The following CTNND2 variants were observed in gnomAD, a reference collection of about 807,000 sequenced individuals.
The protein encoded by CTNND2 is catenin delta-2.
Under a neutral mutation model 144.4 loss-of-function variants are expected in CTNND2, and 22 were observed. That is an observed-to-expected ratio of 0.15 (90% confidence interval 0.11 to 0.22). The LOEUF (loss-of-function observed/expected upper bound fraction) is 0.22, where lower values mean the gene tolerates loss of function less well. Ranked by LOEUF, CTNND2 falls within the 10% of genes least tolerant of loss-of-function variation. CTNND2 has a pLI of 1.00. For synonymous variants in CTNND2, 751 were observed against 695.6 expected (o/e 1.08, Z -1.25); for missense variants, 1,353 against 1,618.8 (o/e 0.84, Z 2.82).
intron 9 of CTNND2, among the ~76,000 whole-genome samples, chr5:11,296,984 A>T (rs1209454196): frequency 6.6e-6 from 1 of 152,032 alleles, no homozygotes; most frequent in Non-Finnish European, 1.5e-5. Flanking sequence ...AAAGTATAAT[A>T]AAAAAAAGAA....
At chr5:11,129,630 G>T (rs1755362197) in intron 12 of CTNND2, among the ~76,000 whole-genome samples, 1 of 151,752 alleles carries the variant, frequency 6.6e-6, no homozygotes, top group African/African-American at 2.4e-5. Context: ...TTCCACTTCT[G>T]CCAGAAAAGT....
At chr5:11,873,833 A>G (rs12655457) in intron 1 of CTNND2, among the ~76,000 whole-genome samples, 34,969 of 152,168 alleles carry the variant, frequency 0.23, 4,289 homozygotes, top group Non-Finnish European at 0.28. Context: ...GCCTTGCATC[A>G]TGCACTGACC....
chr5:11,882,071 T>TATC (rs1245064805), intron 1 of CTNND2, among the ~76,000 whole-genome samples: 1 of 152,088 alleles, frequency 6.6e-6, no homozygotes, highest in Non-Finnish European at 1.5e-5. Context: ...TTATTATTAT[T>TATC]ATCATTATAA....
intron 9 of CTNND2, among the ~76,000 whole-genome samples, chr5:11,338,484 G>C (rs1305151826): frequency 6.6e-6 from 1 of 152,176 alleles, no homozygotes; most frequent in Non-Finnish European, 1.5e-5. Flanking sequence ...GTTCCCTAGA[G>C]GAAGGTCTGT....
chr5:11,305,004 T>A (rs114884368), intron 9 of CTNND2, among the ~76,000 whole-genome samples: 1,575 of 152,332 alleles, frequency 0.01, 35 homozygotes, highest in African/African-American at 0.032. Flanking sequence ...TTGCATCCAC[T>A]GAGCCACCAG....
chr5:11,166,229 A>T (rs189694536), intron 11 of CTNND2, among the ~76,000 whole-genome samples: 1 of 150,630 alleles, frequency 6.6e-6, no homozygotes, highest in East Asian at 2.0e-4. Flanking sequence ...AAAAAGGAGA[A>T]GAATGGGGAC....
At chr5:11,290,216 T>C (rs1748184483) in intron 9 of CTNND2, among the ~76,000 whole-genome samples, 1 of 152,218 alleles carries the variant, frequency 6.6e-6, no homozygotes, top group Non-Finnish European at 1.5e-5. Flanking sequence ...ACTCTCTTGC[T>C]ACATAAGTCT....
intron 9 of CTNND2, among the ~76,000 whole-genome samples, chr5:11,250,520 T>TACATATA (rs1491283471): frequency 0.11 from 558 of 5,198 alleles, 11 homozygotes; most frequent in African/African-American, 0.18. Flanking sequence ...TATACATATA[T>TACATATA]TTTTTTTTTT....
intron 2 of CTNND2, among the ~76,000 whole-genome samples, chr5:11,712,895 G>C (rs1786114096): frequency 6.6e-6 from 1 of 152,142 alleles, no homozygotes; most frequent in Non-Finnish European, 1.5e-5. Flanking sequence ...TGAAAATGGG[G>C]ATATGATACT....
chr5:11,246,584 C>T (rs1024862488), intron 9 of CTNND2, among the ~76,000 whole-genome samples: 4 of 151,970 alleles, frequency 2.6e-5, no homozygotes, highest in African/African-American at 9.7e-5. Context: ...TTTGGTCTGG[C>T]AGAATCAATT....
At chr5:11,185,590 C>T (rs143598155) in intron 11 of CTNND2, among the ~76,000 whole-genome samples, 59 of 152,298 alleles carry the variant, frequency 3.9e-4, no homozygotes, top group African/African-American at 8.7e-4. Flanking sequence ...ATGATGGCAA[C>T]GACAACAGCC....
intron 3 of CTNND2, among the ~76,000 whole-genome samples, chr5:11,413,548 T>C (rs1761706640): frequency 6.6e-6 from 1 of 152,174 alleles, no homozygotes; most frequent in African/African-American, 2.4e-5. Context: ...CTCAGGCATA[T>C]GGGTTCTGAG....
chr5:11,115,961 T>A (rs1479112721), intron 13 of CTNND2, among the ~76,000 whole-genome samples: 1 of 152,234 alleles, frequency 6.6e-6, no homozygotes, highest in Non-Finnish European at 1.5e-5. Context: ...TATTTGTTCT[T>A]TATCTAACTT....
intron 8 of CTNND2, among the ~76,000 whole-genome samples, chr5:11,363,037 CT>C (rs945431974): frequency 3.3e-5 from 5 of 152,202 alleles, no homozygotes; most frequent in Admixed American, 3.3e-4. Context: ...CATTAATCAT[CT>C]TTTGATTTTT....
intron 2 of CTNND2, among the ~76,000 whole-genome samples, chr5:11,584,525 T>TA (rs1778684799): frequency 6.6e-6 from 1 of 151,994 alleles, no homozygotes; most frequent in Admixed American, 6.6e-5. Context: ...GAAAAATATT[T>TA]ACACACTGGA....
At chr5:11,169,778 G>A (rs1018366744) in intron 11 of CTNND2, among the ~76,000 whole-genome samples, 4 of 152,092 alleles carry the variant, frequency 2.6e-5, no homozygotes, top group Admixed American at 1.3e-4. Context: ...AAGAGTCCCC[G>A]GATTGGAGAC....
chr5:11,324,276 A>T (rs1475557131), intron 9 of CTNND2, among the ~76,000 whole-genome samples: 1 of 152,136 alleles, frequency 6.6e-6, no homozygotes, highest in Non-Finnish European at 1.5e-5. Context: ...TAGAAATAAT[A>T]ATGCCCACAC....
At chr5:11,024,174 C>A (rs1165188910) in intron 16 of CTNND2, among the ~76,000 whole-genome samples, 1 of 152,206 alleles carries the variant, frequency 6.6e-6, no homozygotes, top group African/African-American at 2.4e-5. Flanking sequence ...TATCTTAATT[C>A]CAGGCAGTGA....
At chr5:11,791,906 G>A (rs556112066) in intron 1 of CTNND2, among the ~76,000 whole-genome samples, 4 of 152,200 alleles carry the variant, frequency 2.6e-5, no homozygotes, top group African/African-American at 9.6e-5. Flanking sequence ...AGATACTCTA[G>A]GCAAACAAAA....
Sources: gnomAD v4.1 joint callset for allele counts (sites outside exome capture counted in the v4.1 genomes callset) on GRCh38, gnomAD v4.1.1 for gene constraint, MANE v1.5 for transcripts, NCBI Gene and HGNC (gene_info 2026-07-23, HGNC 2026-07-21) for gene names.